Variants in DAB1 observed in about 807,000 individuals in gnomAD.
The protein encoded by DAB1 is disabled homolog 1.
In DAB1, 15 loss-of-function variants were observed where a neutral mutation model predicts 64.6. The ratio of observed to expected loss-of-function variants is 0.23; its 90% confidence interval spans 0.16 to 0.36. DAB1 has a LOEUF of 0.36. DAB1 is among the 10% of genes least tolerant of loss of function. The pLI is 1.00. For missense variants in DAB1, 596 were observed against 706.7 expected (o/e 0.84, Z 1.78); for synonymous variants, 235 against 251.9 (o/e 0.93, Z 0.64).
At chr1:58,260,218 A>G (rs1167681317) in intron 4 of DAB1, among the ~76,000 whole-genome samples, 1 of 152,166 alleles carries the variant, frequency 6.6e-6, no homozygotes, top group African/African-American at 2.4e-5. Flanking sequence ...TCCCCCCACC[A>G]GAAGGTGGTT....
At chr1:58,520,753 G>C (rs561450743) in intron 2 of DAB1, among the ~76,000 whole-genome samples, 2 of 151,992 alleles carry the variant, frequency 1.3e-5, no homozygotes, top group African/African-American at 2.4e-5. Flanking sequence ...CAATCCACTA[G>C]GAAAATCTAA....
intron 12 of DAB1, among the ~76,000 whole-genome samples, chr1:57,012,774 A>T (rs1382763072): frequency 2.0e-5 from 3 of 152,254 alleles, no homozygotes; most frequent in African/African-American, 7.2e-5. Flanking sequence ...TATTAGCTTA[A>T]TTAGATCCTG....
At chr1:57,280,597 C>A (rs1671810733) in intron 2 of DAB1, among the ~76,000 whole-genome samples, 2 of 152,204 alleles carry the variant, frequency 1.3e-5, no homozygotes, top group Admixed American at 1.3e-4. Context: ...CAGGCCCAGT[C>A]ACTGCCAGAG....
chr1:57,950,561 A>C (rs150219900), intron 5 of DAB1, among the ~76,000 whole-genome samples: 1 of 152,188 alleles, frequency 6.6e-6, no homozygotes. Flanking sequence ...TCACCCATCA[A>C]ATAGAGTCTT....
chr1:57,369,711 G>C (rs1455472231), intron 1 of DAB1, among the ~76,000 whole-genome samples: 1 of 152,186 alleles, frequency 6.6e-6, no homozygotes, highest in African/African-American at 2.4e-5. Context: ...TCAAGGCTCT[G>C]CTAGGCACCT....
chr1:57,292,057 T>C (rs1672821287), intron 1 of DAB1, among the ~76,000 whole-genome samples: 2 of 152,174 alleles, frequency 1.3e-5, no homozygotes, highest in South Asian at 2.1e-4. Context: ...AAAGTAAACA[T>C]TTCACCAATT....
At chr1:58,070,984 G>A (rs1649200931) in intron 5 of DAB1, among the ~76,000 whole-genome samples, 1 of 152,176 alleles carries the variant, frequency 6.6e-6, no homozygotes, top group East Asian at 1.9e-4. Context: ...AGAGAGCCTG[G>A]ACCATAGAGA....
chr1:58,114,496 G>T (rs934153475), intron 5 of DAB1, among the ~76,000 whole-genome samples: 9 of 152,208 alleles, frequency 5.9e-5, no homozygotes, highest in African/African-American at 2.2e-4. Context: ...TCCCTAACAT[G>T]GAGATGGATG....
At chr1:58,016,075 G>A (rs190618783) in intron 5 of DAB1, among the ~76,000 whole-genome samples, 24 of 152,166 alleles carry the variant, frequency 1.6e-4, no homozygotes, top group Admixed American at 1.3e-3. Context: ...TCCCCATCAC[G>A]TTTCTAAATC....
intron 3 of DAB1, chr1:58,481,056 A>G (rs559014207): frequency 3.4e-6 from 3 of 871,892 alleles, no homozygotes; most frequent in African/African-American, 3.3e-5. Flanking sequence ...TTTCTTCGTG[A>G]TATTTAGGTC....
At chr1:57,907,849 CCTAGAAGGT>C (rs1644577022) in intron 5 of DAB1, among the ~76,000 whole-genome samples, 1 of 144,626 alleles carries the variant, frequency 6.9e-6, no homozygotes, top group Admixed American at 7.1e-5. Context: ...ATTACATAAA[CCTAGAAGGT>C]ATGTGTATAT....
At chr1:57,159,409 C>T (rs970224411) in intron 2 of DAB1, among the ~76,000 whole-genome samples, 4 of 152,102 alleles carry the variant, frequency 2.6e-5, no homozygotes, top group Admixed American at 2.6e-4. Flanking sequence ...ATGCTTATAT[C>T]CCTGGTGGTG....
chr1:57,403,684 A>C (rs535545957), intron 1 of DAB1, among the ~76,000 whole-genome samples: 2 of 152,208 alleles, frequency 1.3e-5, no homozygotes, highest in Non-Finnish European at 2.9e-5. Flanking sequence ...CCAGAAAAAA[A>C]CAAATTTTTT....
chr1:57,278,415 T>C (rs914195060), intron 2 of DAB1, among the ~76,000 whole-genome samples: 5 of 152,150 alleles, frequency 3.3e-5, no homozygotes, highest in Non-Finnish European at 7.3e-5. Context: ...GATATAATGA[T>C]AGAAAAGACA....
intron 7 of DAB1, among the ~76,000 whole-genome samples, chr1:57,446,390 G>C (rs777955241): frequency 2.4e-4 from 36 of 152,042 alleles, no homozygotes; most frequent in South Asian, 8.3e-4. Context: ...CTGAGGTCGG[G>C]AGTTCGAGAC....
At chr1:58,195,981 C>G (rs1237184826) in intron 4 of DAB1, among the ~76,000 whole-genome samples, 2 of 152,076 alleles carry the variant, frequency 1.3e-5, no homozygotes, top group Non-Finnish European at 2.9e-5. Flanking sequence ...ACTCCTTTAC[C>G]CTTAAGAATT....
rs189005714 is a variant in DAB1 at position 57,418,625 on chromosome 1, C to A, written c.-137+5305G>T. On this transcript the variant is annotated intron_variant, in intron 1 of 14. Coordinates refer to ENST00000371236, the MANE Select transcript of DAB1 (RefSeq NM_001365792.1). Reference sequence around the variant, plus strand: ...TAAGTTAAACAGCCCGCCTTCACCACCACAAAATTTTCGTCATTTTAGCTG... The same window carrying A: ...TAAGTTAAACAGCCCGCCTTCACCAACACAAAATTTTCGTCATTTTAGCTG... Among the ~76,000 whole-genome samples, 322 of 152,260 alleles carry A rather than the reference C, an allele frequency of 2.1e-3. 1 individual carries two copies. Among genetic ancestry groups the A allele is most frequent in the South Asian group, 0.015 (70 of 4,824 alleles).
chr1:57,689,439 A>G (rs889035215), intron 6 of DAB1, among the ~76,000 whole-genome samples: 2 of 152,244 alleles, frequency 1.3e-5, no homozygotes, highest in African/African-American at 2.4e-5. Flanking sequence ...AGAAAAGGCA[A>G]TTGGTTGAGT....
chr1:58,285,256 C>A (rs1216692796), intron 4 of DAB1, among the ~76,000 whole-genome samples: 2 of 152,146 alleles, frequency 1.3e-5, no homozygotes, highest in Non-Finnish European at 2.9e-5. Flanking sequence ...AGACAGGATG[C>A]CTTCTCTCAC....
Sources: gnomAD v4.1 joint callset for allele counts (sites outside exome capture counted in the v4.1 genomes callset) on GRCh38, gnomAD v4.1.1 for gene constraint, MANE v1.5 for transcripts, NCBI Gene and HGNC (gene_info 2026-07-23, HGNC 2026-07-21) for gene names.